SYT14: variants seen among roughly 807,000 people sequenced by gnomAD.
SYT14 encodes synaptotagmin-14.
SYT14 carries 32 observed loss-of-function variants against 74.2 expected under a neutral mutation model. That is an observed-to-expected ratio of 0.43 (90% confidence interval 0.33 to 0.58). The LOEUF (loss-of-function observed/expected upper bound fraction) is 0.58. SYT14 is among the 20% of genes least tolerant of loss of function. The pLI, the probability that SYT14 is intolerant of heterozygous loss-of-function variation, is 0.05. For missense variants in SYT14, 791 were observed against 981.8 expected, an observed-to-expected ratio of 0.81 and a Z score of 2.60; for synonymous variants, 298 against 337.7, an observed-to-expected ratio of 0.88 and a Z score of 1.29.
intron 5 of SYT14, among the ~76,000 whole-genome samples, chr1:210,027,904 T>C (rs2080449296): frequency 6.6e-6 from 1 of 152,154 alleles, no homozygotes; most frequent in African/African-American, 2.4e-5. Flanking sequence ...TGTGATAAGA[T>C]ATATACATCA....
chr1:209,960,764 A>C (rs540802849), intron 2 of SYT14, among the ~76,000 whole-genome samples: 1 of 152,190 alleles, frequency 6.6e-6, no homozygotes, highest in East Asian at 1.9e-4. Flanking sequence ...TAGGATGTGC[A>C]TGGTAGTGGT....
At chr1:210,021,148 A>C (rs1279412557) in exon 5 of SYT14, 3 of 1,613,940 alleles carry the variant, frequency 1.9e-6, no homozygotes, top group South Asian at 1.1e-5. Context: ...CCAGACTACC[A>C]CTGGCAGATT....
intron 5 of SYT14, among the ~76,000 whole-genome samples, chr1:210,058,850 T>G (rs1434867902): frequency 6.6e-6 from 1 of 152,174 alleles, no homozygotes; most frequent in Non-Finnish European, 1.5e-5. Context: ...TTCAAGGTGC[T>G]GGATGGAGTA....
intron 3 of SYT14, among the ~76,000 whole-genome samples, chr1:210,014,909 G>A (rs952176707): frequency 4.6e-5 from 7 of 151,922 alleles, no homozygotes; most frequent in Non-Finnish European, 8.8e-5. Context: ...TAGTCCCAAA[G>A]AGCTTTTTGT....
intron 2 of SYT14, among the ~76,000 whole-genome samples, chr1:210,008,694 G>A (rs1360293984): frequency 6.6e-6 from 1 of 152,152 alleles, no homozygotes; most frequent in African/African-American, 2.4e-5. Context: ...CTCCTTAAGA[G>A]GCATGTGTGT....
chr1:210,089,024 C>G (rs1379429908), intron 5 of SYT14, among the ~76,000 whole-genome samples: 2 of 152,106 alleles, frequency 1.3e-5, no homozygotes, highest in Non-Finnish European at 2.9e-5. Context: ...TGCTATCCCT[C>G]CCCTAGCCCT....
chr1:210,093,828 C>G (rs2081920786), intron 5 of SYT14, among the ~76,000 whole-genome samples: 1 of 152,200 alleles, frequency 6.6e-6, no homozygotes, highest in Non-Finnish European at 1.5e-5. Flanking sequence ...TCTGACACTG[C>G]TAGCTGAATG....
At chr1:210,007,028 T>C (rs1213791706) in intron 2 of SYT14, among the ~76,000 whole-genome samples, 1 of 151,986 alleles carries the variant, frequency 6.6e-6, no homozygotes, top group African/African-American at 2.4e-5. Context: ...TTGCTTTGAC[T>C]TTAGTAAGAC....
intron 2 of SYT14, among the ~76,000 whole-genome samples, chr1:209,986,499 G>T (rs1386421672): frequency 1.3e-5 from 2 of 151,922 alleles, no homozygotes; most frequent in Admixed American, 1.3e-4. Flanking sequence ...TATAGTCCCA[G>T]CTACTCAGGA....
intron 7 of SYT14, among the ~76,000 whole-genome samples, chr1:210,144,751 CAG>C (rs1450213504): frequency 6.6e-6 from 1 of 151,926 alleles, no homozygotes; most frequent in Non-Finnish European, 1.5e-5. Context: ...ATATTAAAAA[CAG>C]ATTCAAATCA....
intron 1 of SYT14, among the ~76,000 whole-genome samples, chr1:209,939,957 C>G (rs532224196): frequency 6.6e-6 from 1 of 152,208 alleles, no homozygotes; most frequent in African/African-American, 2.4e-5. Context: ...CTGCCTACTG[C>G]TTAACATGTT....
At chr1:209,939,358 T>C (rs2078691760) in intron 1 of SYT14, among the ~76,000 whole-genome samples, 1 of 152,248 alleles carries the variant, frequency 6.6e-6, no homozygotes, top group African/African-American at 2.4e-5. Flanking sequence ...TTAAAGCGTT[T>C]CCCTTCTAAG....
At chr1:210,029,938 T>C (rs1384845610) in intron 5 of SYT14, among the ~76,000 whole-genome samples, 2 of 152,198 alleles carry the variant, frequency 1.3e-5, no homozygotes, top group Non-Finnish European at 2.9e-5. Context: ...TTTACAGTTT[T>C]CACCGTACAA....
At chr1:210,141,219 T>G (rs547891584) in intron 7 of SYT14, among the ~76,000 whole-genome samples, 1 of 152,310 alleles carries the variant, frequency 6.6e-6, no homozygotes, top group South Asian at 2.1e-4. Flanking sequence ...CAAAAGTGTC[T>G]TGTAACTTTC....
intron 2 of SYT14, among the ~76,000 whole-genome samples, chr1:209,957,125 C>G (rs1307437218): frequency 2.0e-5 from 3 of 152,058 alleles, no homozygotes; most frequent in Non-Finnish European, 2.9e-5. Flanking sequence ...GAGTTCCTTC[C>G]CTGTAGGCTG....
At chr1:210,095,323 C>T (rs953786886) in intron 6 of SYT14, among the ~76,000 whole-genome samples, 4 of 152,166 alleles carry the variant, frequency 2.6e-5, no homozygotes, top group Admixed American at 2.6e-4. Context: ...TCACTCAGAA[C>T]AGAGTGCAGT....
intron 2 of SYT14, among the ~76,000 whole-genome samples, chr1:210,000,409 A>G (rs1329342808): frequency 6.7e-6 from 1 of 148,310 alleles, no homozygotes; most frequent in African/African-American, 2.5e-5. Flanking sequence ...TTTTGTTGTA[A>G]TTTTTATTAG....
chr1:210,143,722 A>G (rs2082969624), intron 7 of SYT14, among the ~76,000 whole-genome samples: 1 of 152,176 alleles, frequency 6.6e-6, no homozygotes, highest in Non-Finnish European at 1.5e-5. Context: ...ATTCAGAAAT[A>G]AGATATAAAG....
chr1:210,121,618 C>G (rs1044423691), intron 7 of SYT14, among the ~76,000 whole-genome samples: 1 of 151,980 alleles, frequency 6.6e-6, no homozygotes, highest in Admixed American at 6.6e-5. Context: ...CATGGTGAAA[C>G]TCTGTCTCTA....
Sources: allele counts gnomAD v4.1 joint callset (sites outside exome capture counted in the v4.1 genomes callset), GRCh38; gene constraint gnomAD v4.1.1; transcripts MANE v1.5; gene names NCBI Gene and HGNC (gene_info 2026-07-23, HGNC 2026-07-21).